Variants in APOLD1 observed in about 807,000 individuals in gnomAD.
APOLD1 encodes apolipoprotein L domain-containing protein 1.
APOLD1 carries 22 observed loss-of-function variants against 15.3 expected under a neutral mutation model. That is an observed-to-expected ratio of 1.44 (90% CI 1.03 to 2.05). APOLD1 has a LOEUF of 2.05. Ranked by LOEUF, APOLD1 falls within the 30% of genes most tolerant of loss-of-function variation. The probability of loss-of-function intolerance (pLI) is 0.00; values close to 1 mark genes in which losing one functional copy is unlikely to be tolerated. For synonymous variants in APOLD1, 190 were observed against 167.4 expected, an observed-to-expected ratio of 1.13 and a Z score of -1.04; for missense variants, 394 against 353.5, an observed-to-expected ratio of 1.11 and a Z score of -0.92.
chr12:12,745,275 C>A (rs1946757080), intron 1 of APOLD1, among the ~76,000 whole-genome samples: 1 of 152,174 alleles, frequency 6.6e-6, no homozygotes, highest in East Asian at 1.9e-4. Flanking sequence ...GGCGAGGTGG[C>A]ACACGCCTGT....
At chr12:12,750,240 C>A (rs1592295578) in intron 1 of APOLD1, among the ~76,000 whole-genome samples, 1 of 152,012 alleles carries the variant, frequency 6.6e-6, no homozygotes, top group Non-Finnish European at 1.5e-5. Flanking sequence ...GGTGTGGTGG[C>A]ACATGGCAGT....
intron 1 of APOLD1, chr12:12,726,156 CA>C (rs745785485): frequency 0.076 from 8,589 of 112,430 alleles, 28 homozygotes; most frequent in Middle Eastern, 0.11. Flanking sequence ...TCTTCGCAAC[CA>C]AAAAAAAAAA....
At chr12:12,740,864 C>G (rs1023761226) in intron 1 of APOLD1, among the ~76,000 whole-genome samples, 1 of 152,126 alleles carries the variant, frequency 6.6e-6, no homozygotes, top group Non-Finnish European at 1.5e-5. Flanking sequence ...CGGCTGGGCA[C>G]GGTGGCTCAC....
intron 1 of APOLD1, among the ~76,000 whole-genome samples, chr12:12,759,242 G>C (rs1946880249): frequency 6.6e-6 from 1 of 152,190 alleles, no homozygotes; most frequent in South Asian, 2.1e-4. Context: ...AGAGAAAGGG[G>C]AGCTGCTATA....
chr12:12,741,687 C>T (rs1285732434), intron 1 of APOLD1, among the ~76,000 whole-genome samples: 4 of 152,322 alleles, frequency 2.6e-5, no homozygotes, highest in African/African-American at 7.2e-5. Context: ...CAGTCTGATA[C>T]GCAGAGAGAT....
rs7297629 is a variant in APOLD1, at chr12:12,726,029, G to T, written c.29G>T (p.Arg10Leu). Residue 10 changes from arginine (R) to leucine (L), a missense_variant, in exon 1 of 2, where the codon CGG (arginine) becomes CTG (leucine). By Grantham distance (102) the Arg-to-Leu change is moderately radical. Coordinates refer to the APOLD1 transcript ENST00000326765. ...TTCCGCGCGCCGTGTCACCGGCTGC[G>T]GGCCAGGGGTACTCGGAAGGCGCGG... 4.8e-3 allele frequency: 7,260 copies of T among 1,527,518 alleles called. 311 individuals carry two copies. The African/African-American group carries it at 0.09, about 19-fold the overall frequency. 94.6% of individuals were successfully genotyped at this position (1,527,518 alleles called of 1,614,324 possible).
chr12:12,778,285 C>T (rs527720064), intron 1 of APOLD1, among the ~76,000 whole-genome samples: 1 of 151,106 alleles, frequency 6.6e-6, no homozygotes, highest in African/African-American at 2.4e-5. Flanking sequence ...TTGCTTCTCC[C>T]TGTGGGAGGC....
intron 1 of APOLD1, among the ~76,000 whole-genome samples, chr12:12,756,353 G>A (rs897703192): frequency 3.3e-5 from 5 of 152,162 alleles, no homozygotes; most frequent in Non-Finnish European, 2.9e-5. Flanking sequence ...CTGCTGCTCC[G>A]CATGCCTCTT....
chr12:12,787,109 C>A lies in APOLD1; in HGVS notation c.204C>A (p.Leu68=). Residue 68 remains leucine (L), a synonymous_variant, in exon 2 of 2, where the codon CTC becomes CTA. Transcript: ENST00000356591. The surrounding 1 kb of genome is among the most constrained non-coding windows in gnomAD (Gnocchi z 4.9). The part of the protein sequence containing the change: ...AGSSLSATGA[L]AAIVGLSLSP... ...GCTCGCTGAGCGCAACGGGCGCCCT[C>A]GCCGCCATCGTGGGGCTCTCGCTCA... 1 of 1,422,456 alleles carries A rather than the reference C, an allele frequency of 7.0e-7. No individual in the cohort carries two copies. Among genetic ancestry groups the A allele is most frequent in the Non-Finnish European group, 9.1e-7 (1 of 1,099,160 alleles). 88.1% of individuals were successfully genotyped at this position (1,422,456 alleles called of 1,614,324 possible). A position where few individuals can be genotyped will look rare whatever the true frequency, so the allele number is the denominator to read the frequency against.
chr12:12,755,661 A>G (rs1358396774), intron 1 of APOLD1, among the ~76,000 whole-genome samples: 3 of 152,116 alleles, frequency 2.0e-5, no homozygotes, highest in Non-Finnish European at 4.4e-5. Flanking sequence ...GACAACATGG[A>G]GAAACTTCAT....
At chr12:12,761,886 A>T (rs1278984990) in intron 1 of APOLD1, among the ~76,000 whole-genome samples, 1 of 129,382 alleles carries the variant, frequency 7.7e-6, no homozygotes, top group African/African-American at 2.8e-5. Context: ...CCCAGGCCTA[A>T]GTGCAGTGGT....
intron 1 of APOLD1, among the ~76,000 whole-genome samples, chr12:12,729,815 TG>T (rs1946622167): frequency 6.6e-6 from 1 of 151,934 alleles, no homozygotes; most frequent in Admixed American, 6.6e-5. Flanking sequence ...ATGGTTTAAA[TG>T]GTAATTTGTA....
At chr12:12,752,391 A>C (rs575579942) in intron 1 of APOLD1, among the ~76,000 whole-genome samples, 18 of 152,220 alleles carry the variant, frequency 1.2e-4, no homozygotes, top group Non-Finnish European at 1.9e-4. Context: ...AAGTTCATGT[A>C]ACTGTGGTTC....
At chr12:12,766,296 A>G (rs1946942048) in intron 1 of APOLD1, among the ~76,000 whole-genome samples, 1 of 151,422 alleles carries the variant, frequency 6.6e-6, no homozygotes, top group Admixed American at 6.6e-5. Context: ...CTTTAGTCCA[A>G]TTAGCTATAG....
At chr12:12,785,785 T>C (rs1366054755) in intron 1 of APOLD1, 91 bp downstream of exon 1, 5 of 1,243,148 alleles carry the variant, frequency 4.0e-6, no homozygotes, top group East Asian at 2.3e-5. Flanking sequence ...GGTTGGATTA[T>C]GGAAGCATGG....
At chr12:12,742,345 G>C (rs904022165) in intron 1 of APOLD1, among the ~76,000 whole-genome samples, 1 of 152,212 alleles carries the variant, frequency 6.6e-6, no homozygotes, top group African/African-American at 2.4e-5. Context: ...GATGTCCATG[G>C]TAAGAAAAGC....
intron 1 of APOLD1, chr12:12,771,469 A>C: frequency 2.1e-6 from 1 of 478,272 alleles, no homozygotes; most frequent in Non-Finnish European, 4.1e-6. Context: ...GTTTCAGTGC[A>C]AAGTTTTTCA....
Position 12,786,987 on chromosome 12 carries a change from C to T in APOLD1, c.82C>T (p.Arg28Ter), listed in dbSNP as rs1239910429. 3 of 1,426,192 alleles carry T rather than the reference C, an allele frequency of 2.1e-6. No individual in the cohort carries two copies. Among genetic ancestry groups the T allele is most frequent in the Non-Finnish European group, 2.7e-6 (3 of 1,101,258 alleles). 88.3% of individuals were successfully genotyped at this position (1,426,192 alleles called of 1,614,324 possible). Residue 28 changes from arginine (R) to a stop codon, truncating the protein, a stop_gained, in exon 2 of 2, where the codon CGA becomes TGA. Transcript: ENST00000356591. LOFTEE classifies it high-confidence loss of function. ...RRFQGLLLDR[R>*]GRLHGQVLRL... ...CTTCCAGGGACTGCTGCTGGACCGCCGAGGCCGGCTGCACGGCCAGGTGCT... is the reference window on the plus strand; with the variant it reads ...CTTCCAGGGACTGCTGCTGGACCGCTGAGGCCGGCTGCACGGCCAGGTGCT...
intron 1 of APOLD1, among the ~76,000 whole-genome samples, chr12:12,751,444 G>C (rs1055186315): frequency 6.6e-6 from 1 of 152,110 alleles, no homozygotes; most frequent in African/African-American, 2.4e-5. Context: ...TCTACCTCCC[G>C]AGCTCAAGGG....
Sources: allele counts gnomAD v4.1 joint callset (sites outside exome capture counted in the v4.1 genomes callset), GRCh38; gene constraint gnomAD v4.1.1; non-coding constraint Gnocchi (gnomAD v3.1); transcripts MANE v1.5; gene names NCBI Gene and HGNC (gene_info 2026-07-23, HGNC 2026-07-21).